The following WASHC2C variants were observed in gnomAD, a reference collection of about 807,000 sequenced individuals.
WASHC2C encodes the protein Vaccinia Penetration Factor.
In WASHC2C, 73 loss-of-function variants were observed where a neutral mutation model predicts 142.2. The ratio of observed to expected loss-of-function variants is 0.51; its 90% CI spans 0.43 to 0.62. The LOEUF (loss-of-function observed/expected upper bound fraction) is 0.62, where lower values mean the gene tolerates loss of function less well. Ranked by LOEUF, WASHC2C falls within the 20% of genes least tolerant of loss-of-function variation. WASHC2C has a pLI of 0.00. For missense variants in WASHC2C, 969 were observed against 1,531.7 expected, an observed-to-expected ratio of 0.63 and a Z score of 6.13; for synonymous variants, 337 against 565.5, an observed-to-expected ratio of 0.60 and a Z score of 5.73.
chr10:45,788,032 G>C (rs1401458553), intron 28 of WASHC2C, among the ~76,000 whole-genome samples: 4 of 152,184 alleles, frequency 2.6e-5, no homozygotes, highest in African/African-American at 9.6e-5. Context: ...CTGACAAATA[G>C]ATTCATTTCA....
intron 8 of WASHC2C, among the ~76,000 whole-genome samples, chr10:45,749,836 A>AAAAAATATATAT (rs1227809519): frequency 8.8e-5 from 9 of 101,764 alleles, no homozygotes; most frequent in South Asian, 3.5e-4. Flanking sequence ...AAAAAAAAAA[A>AAAAAATATATAT]ATATATATAT....
Position 45,757,008 on chromosome 10 carries a change from A to G in WASHC2C, c.1421-4A>G. On this transcript the variant is annotated splice_region_variant and splice_polypyrimidine_tract_variant and intron_variant, in intron 15 of 30. Transcript: ENST00000623400. ...GTCATTTTATGCCTTGGTATTTTTT[A>G]CAGGCAAAGTCCAATCCACTGCCGA... 6.3e-7 allele frequency: 1 copy of G among 1,589,758 alleles called. No individual in the cohort carries two copies. Among genetic ancestry groups the G allele is most frequent in the South Asian group, 1.1e-5 (1 of 88,462 alleles).
Position 45,752,713 on chromosome 10 carries a change from C to A in WASHC2C, c.1122+7C>A. ...TGATGATGAGGACGAGGAGGTGAGT[C>A]CATGGCACCCAGCAACACTCCCTGC... On this transcript the variant is annotated splice_region_variant and intron_variant, in intron 12 of 30. Transcript: ENST00000623400. 1 of 1,608,580 alleles carries A rather than the reference C, an allele frequency of 6.2e-7. No individual in the cohort carries two copies. Among genetic ancestry groups the A allele is most frequent in the Non-Finnish European group, 8.5e-7 (1 of 1,178,600 alleles).
chr10:45,737,943 CGT>C, intron 3 of WASHC2C, 38 bp from the exon 4 acceptor site: 1 of 1,611,520 alleles, frequency 6.2e-7, no homozygotes, highest in Non-Finnish European at 8.5e-7. Flanking sequence ...TTTCCAATGA[CGT>C]GTTGACCTTT....
chr10:45,786,337 C>A, intron 26 of WASHC2C: 1 of 564,292 alleles, frequency 1.8e-6, no homozygotes. Context: ...GTTTTAGGTG[C>A]TCTGATAAAC....
At chr10:45,781,538 AC>A (rs1223501216) in intron 23 of WASHC2C, among the ~76,000 whole-genome samples, 1 of 152,150 alleles carries the variant, frequency 6.6e-6, no homozygotes, top group Non-Finnish European at 1.5e-5. Flanking sequence ...CTAGAAATAA[AC>A]CCTCACATTT....
At chr10:45,766,302 T>A (rs531038869) in intron 19 of WASHC2C, among the ~76,000 whole-genome samples, 5 of 152,376 alleles carry the variant, frequency 3.3e-5, no homozygotes, top group South Asian at 4.1e-4. Context: ...TGTGACCTGA[T>A]GGGAATAAGC....
intron 20 of WASHC2C, chr10:45,771,372 A>G: frequency 1.0e-6 from 1 of 982,494 alleles, no homozygotes; most frequent in Non-Finnish European, 1.2e-6. Context: ...CTCAAAAAAA[A>G]AAAAAAAAAA....
chr10:45,759,557 T>G (rs1202461878), intron 17 of WASHC2C, among the ~76,000 whole-genome samples, 156 bp downstream of exon 17: 4 of 152,050 alleles, frequency 2.6e-5, no homozygotes, highest in African/African-American at 4.8e-5. Context: ...TGGTGGTTCA[T>G]GCCTGTAATC....
chr10:45,731,762 A>G (rs2050613854), intron 3 of WASHC2C, among the ~76,000 whole-genome samples: 2 of 148,808 alleles, frequency 1.3e-5, no homozygotes, highest in South Asian at 4.3e-4. Context: ...GAAAAAATAT[A>G]CTTGCTGATA....
At chr10:45,788,825 A>G (rs2058231285) in intron 28 of WASHC2C, 46 bp from the exon 29 acceptor site, 2 of 1,611,936 alleles carry the variant, frequency 1.2e-6, no homozygotes, top group Non-Finnish European at 1.7e-6. Flanking sequence ...AGCTTTGAAC[A>G]CTTTATTTTA....
chr10:45,766,464 C>T (rs1554882472), intron 19 of WASHC2C, among the ~76,000 whole-genome samples: 1 of 146,248 alleles, frequency 6.8e-6, no homozygotes, highest in African/African-American at 2.6e-5. Context: ...TGTCCTGCTT[C>T]AGAGGAGAAG....
chr10:45,772,498 T>C (rs1243618518), intron 20 of WASHC2C, among the ~76,000 whole-genome samples: 2 of 151,912 alleles, frequency 1.3e-5, no homozygotes, highest in African/African-American at 2.4e-5. Flanking sequence ...GAAGGATCTC[T>C]TGAGGCCAGG....
At chr10:45,742,612 G>T (rs1589636840) in intron 5 of WASHC2C, among the ~76,000 whole-genome samples, 1 of 152,204 alleles carries the variant, frequency 6.6e-6, no homozygotes, top group Non-Finnish European at 1.5e-5. Flanking sequence ...CACTGTGCCC[G>T]GCCTAATCTA....
chr10:45,727,047 C>G (rs1177014683), upstream of WASHC2C: 1 of 1,152,094 alleles, frequency 8.7e-7, no homozygotes, highest in African/African-American at 1.6e-5. Flanking sequence ...CCCGCCCAAC[C>G]CGCCTCTGCA....
At chr10:45,770,056 T>A (rs2056422351) in intron 20 of WASHC2C, among the ~76,000 whole-genome samples, 1 of 151,064 alleles carries the variant, frequency 6.6e-6, no homozygotes, top group Non-Finnish European at 1.5e-5. Context: ...CTGGCCAATA[T>A]GGTGAAACCC....
At chr10:45,785,387 T>A in intron 25 of WASHC2C, 122 bp from the exon 26 acceptor site, 1 of 1,149,484 alleles carries the variant, frequency 8.7e-7, no homozygotes, top group East Asian at 2.5e-5. Flanking sequence ...TTGAGTTGGT[T>A]CAGCCCTCAT....
At chr10:45,757,885 G>C (rs1194491194) in intron 16 of WASHC2C, among the ~76,000 whole-genome samples, 2 of 152,264 alleles carry the variant, frequency 1.3e-5, no homozygotes, top group Middle Eastern at 3.2e-3. Flanking sequence ...GTGCGGCCCG[G>C]CTTCTAACAG....
intron 21 of WASHC2C, among the ~76,000 whole-genome samples, chr10:45,776,155 C>G (rs2057058883): frequency 6.6e-6 from 1 of 151,974 alleles, no homozygotes; most frequent in African/African-American, 2.4e-5. Context: ...TAAAAATCCC[C>G]TTGCTCTCTT....
Sources: gnomAD v4.1 joint callset for allele counts (sites outside exome capture counted in the v4.1 genomes callset) on GRCh38, gnomAD v4.1.1 for gene constraint, MANE v1.5 for transcripts, NCBI Gene and HGNC (gene_info 2026-07-23, HGNC 2026-07-21) for gene names.